Variants in ECE1 observed in about 807,000 individuals in gnomAD.
The protein encoded by ECE1 is endothelin-converting enzyme 1.
ECE1 carries 35 observed loss-of-function variants against 98.6 expected under a neutral mutation model. The observed-to-expected ratio is 0.35, with a 90% CI of 0.27 to 0.47. ECE1 has a LOEUF of 0.47. ECE1 is among the 20% of genes least tolerant of loss of function. The pLI is 1.00. For synonymous variants in ECE1, 394 were observed against 407.1 expected (o/e 0.97, Z 0.39); for missense variants, 814 against 1,025.3 (o/e 0.79, Z 2.81).
At chr1:21,227,058 A>C in intron 16 of ECE1, 101 bp downstream of exon 16, 2 of 1,178,842 alleles carry the variant, frequency 1.7e-6, no homozygotes, top group Non-Finnish European at 1.3e-6. Context: ...AGGTCTTGCT[A>C]TGTTGCCCAG....
Position 21,225,453 on chromosome 1 carries a change from G to T in ECE1, c.1850-13C>A, listed in dbSNP as rs139355300. The T allele has an allele frequency of 1.4e-4, 224 of 1,613,466 alleles. No individual in the cohort carries two copies. Among genetic ancestry groups the T allele is most frequent in the Middle Eastern group, 8.2e-4 (5 of 6,062 alleles). On this transcript the variant is annotated splice_polypyrimidine_tract_variant and intron_variant, in intron 16 of 18. Transcript: ENST00000374893. The surrounding 1 kb of genome is among the most constrained non-coding windows in gnomAD (Gnocchi z 5.3). ...TCATACTCCCGTCCTGTGGGTCAGA[G>T]GGAGGCGTCATGTCAAGGGAGGGAG...
intron 1 of ECE1, among the ~76,000 whole-genome samples, chr1:21,338,241 G>A (rs981912671): frequency 6.6e-6 from 1 of 152,198 alleles, no homozygotes; most frequent in Non-Finnish European, 1.5e-5. Flanking sequence ...AGAGGACCAG[G>A]AGGACATGAG....
At chr1:21,231,501 G>A (rs1204420858) in intron 14 of ECE1, among the ~76,000 whole-genome samples, 2 of 151,952 alleles carry the variant, frequency 1.3e-5, no homozygotes, top group African/African-American at 4.8e-5. Context: ...ACCACCATGC[G>A]TGGCTAATTT....
chr1:21,262,977 G>A (rs1207422456), intron 4 of ECE1, among the ~76,000 whole-genome samples: 1 of 152,210 alleles, frequency 6.6e-6, no homozygotes, highest in Admixed American at 6.5e-5. Flanking sequence ...GAGGCAAACG[G>A]CAGCCAAGGA....
chr1:21,312,531 G>A (rs752286360), intron 1 of ECE1, among the ~76,000 whole-genome samples: 10 of 152,164 alleles, frequency 6.6e-5, no homozygotes, highest in Non-Finnish European at 1.0e-4. Flanking sequence ...CAGGAGGATC[G>A]CTTGAGCTCA....
intron 8 of ECE1, among the ~76,000 whole-genome samples, chr1:21,251,621 C>G (rs1108901): frequency 6.6e-6 from 1 of 152,154 alleles, no homozygotes; most frequent in Non-Finnish European, 1.5e-5. Context: ...AAGAGATGTG[C>G]GCAGCGGACT....
In ECE1 at chr1:21,254,845, G is replaced by A. The variant is rs563024993; in HGVS notation, c.1020+1102C>T. On this transcript the variant is annotated intron_variant, in intron 8 of 18. Transcript: ENST00000374893. ...GGCAGCCAGCACCAGCAGGAGGCCA[G>A]GCTCCCCTGACCCTGATCGTGGGCC... is the stretch of plus-strand genomic sequence containing the variant. 3.3e-5 allele frequency among the ~76,000 whole-genome samples: 5 copies of A among 152,290 alleles called. No homozygotes were observed. The South Asian group carries it at 1.0e-3, about 32-fold the overall frequency.
At chr1:21,279,869 C>T (rs766150015) in intron 2 of ECE1, 1 of 309,050 alleles carries the variant, frequency 3.2e-6, no homozygotes, top group Non-Finnish European at 4.9e-6. Context: ...AAACTGAGGT[C>T]CAGAGAGGTG....
In ECE1 at chr1:21,225,864, T is replaced by G. The variant is rs1288679071; in HGVS notation, c.1850-424A>C. ...TGCCGCCATGCCTAGCTGATTTCTG[T>G]TTTTTTTTTTAGTAGAGATGGGGTC... On this transcript the variant is annotated intron_variant, in intron 16 of 18. Coordinates refer to ENST00000374893, the MANE Select transcript of ECE1 (RefSeq NM_001397.3). This position sits in a 1 kb window ranked among gnomAD's most constrained non-coding sequence, Gnocchi z 5.3. 5.0e-5 allele frequency among the ~76,000 whole-genome samples: 7 copies of G among 140,324 alleles called. No homozygotes were observed. The highest frequency in any genetic ancestry group is 2.2e-4 in the South Asian group (1 of 4,570). 92.1% of individuals were successfully genotyped at this position (140,324 alleles called of 152,430 possible). A position where few individuals can be genotyped will look rare whatever the true frequency, so the allele number is the denominator to read the frequency against.
At chr1:21,321,178 G>T (rs998977676) in intron 1 of ECE1, among the ~76,000 whole-genome samples, 4 of 152,174 alleles carry the variant, frequency 2.6e-5, no homozygotes, top group African/African-American at 9.7e-5. Context: ...TCAAACCCAG[G>T]TTGCTCTGAC....
chr1:21,289,698 A>G (rs1322067411), intron 2 of ECE1, among the ~76,000 whole-genome samples: 2 of 152,006 alleles, frequency 1.3e-5, no homozygotes, highest in East Asian at 3.9e-4. Flanking sequence ...AAACAGCCGT[A>G]GACTCTGCCG....
intron 2 of ECE1, among the ~76,000 whole-genome samples, chr1:21,285,306 T>A (rs576799638): frequency 6.6e-6 from 1 of 152,188 alleles, no homozygotes; most frequent in Non-Finnish European, 1.5e-5. Context: ...GGGAGAAAGA[T>A]GGTAACCCTG....
chr1:21,236,660 CA>C, intron 12 of ECE1, 85 bp downstream of exon 12: 5 of 1,347,788 alleles, frequency 3.7e-6, no homozygotes, highest in Non-Finnish European at 3.2e-6. Flanking sequence ...AAAAAACAAA[CA>C]AAAAAACCGG....
At chr1:21,308,783 C>A (rs972879283) in intron 1 of ECE1, among the ~76,000 whole-genome samples, 3 of 152,090 alleles carry the variant, frequency 2.0e-5, no homozygotes, top group African/African-American at 7.2e-5. Flanking sequence ...TGCTGCAAGT[C>A]CCCCAGGGCT....
chr1:21,302,666 C>T (rs1371985998), intron 1 of ECE1, among the ~76,000 whole-genome samples: 1 of 152,142 alleles, frequency 6.6e-6, no homozygotes, highest in Non-Finnish European at 1.5e-5. Flanking sequence ...GCACAGAACG[C>T]CAGAGTGGGA....
intron 3 of ECE1, among the ~76,000 whole-genome samples, chr1:21,273,334 C>CGTGCGTGT (rs1292581955): frequency 4.1e-4 from 51 of 124,032 alleles, no homozygotes; most frequent in African/African-American, 8.3e-4. Context: ...AGTGTGTGCC[C>CGTGCGTGT]GTGCGTGTGT....
chr1:21,248,140 C>T (rs1162239228), intron 8 of ECE1, among the ~76,000 whole-genome samples: 1 of 151,772 alleles, frequency 6.6e-6, no homozygotes, highest in African/African-American at 2.4e-5. Flanking sequence ...GCCCTCAGCT[C>T]AGCTAATGCA....
chr1:21,253,201 C>A (rs1415706706), intron 8 of ECE1, among the ~76,000 whole-genome samples: 1 of 151,836 alleles, frequency 6.6e-6, no homozygotes, highest in Admixed American at 6.6e-5. Flanking sequence ...GGACAACCGG[C>A]GCACACCACC....
Position 21,322,239 on chromosome 1 carries a change from G to T in ECE1, c.3+23137C>A, listed in dbSNP as rs913122386. On this transcript the variant is annotated intron_variant, in intron 1 of 18. Coordinates refer to the ECE1 transcript ENST00000415912. This position sits in a 1 kb window ranked among gnomAD's most constrained non-coding sequence, Gnocchi z 4.1. The stretch of plus-strand genomic sequence containing the variant: ...AGTGAGATGGAGTGGGGATGGGGGT[G>T]TGGATAAAACCAGGAGACCCCACAC... Among the ~76,000 whole-genome samples the T allele has an allele frequency of 1.3e-5, 2 of 152,120 alleles. No individual in the cohort carries two copies. Among genetic ancestry groups the T allele is most frequent in the Non-Finnish European group, 2.9e-5 (2 of 68,008 alleles).
Sources: allele counts gnomAD v4.1 joint callset (sites outside exome capture counted in the v4.1 genomes callset), GRCh38; gene constraint gnomAD v4.1.1; non-coding constraint Gnocchi (gnomAD v3.1); transcripts MANE v1.5; gene names NCBI Gene and HGNC (gene_info 2026-07-23, HGNC 2026-07-21).